Variants in CELF2 observed in about 807,000 individuals in gnomAD.
The protein encoded by CELF2 is CUG triplet repeat RNA-binding protein 2.
Under a neutral mutation model 62.6 loss-of-function variants are expected in CELF2, and 8 were observed. The observed-to-expected ratio is 0.13, with a 90% CI of 0.07 to 0.23. The LOEUF (loss-of-function observed/expected upper bound fraction) is 0.23, where lower values mean the gene tolerates loss of function less well. Ranked by LOEUF, CELF2 falls within the 10% of genes least tolerant of loss-of-function variation. The pLI, the probability that CELF2 is intolerant of heterozygous loss-of-function variation, is 1.00. For synonymous variants in CELF2, 258 were observed against 250.0 expected (o/e 1.03, Z -0.30); for missense variants, 333 against 671.0 (o/e 0.50, Z 5.56).
At chr10:10,637,064 C>T in the CELF2 span, among the ~76,000 whole-genome samples, 2 of 152,096 alleles carry the variant, frequency 1.3e-5, no homozygotes, top group African/African-American at 4.8e-5. Flanking sequence ...TCAGAGAAAT[C>T]TCATGGTTAC....
Position 11,159,429 on chromosome 10 carries a change from T to C in CELF2, c.75-6057T>C, listed in dbSNP as rs1290633787. The stretch of plus-strand genomic sequence containing the variant: ...GAAGCAGTGCATTTTAAAAGGGAGT[T>C]GCAATTCCCAGAGCTCTGGGTTGGA... On this transcript the variant is annotated intron_variant, in intron 1 of 12. Transcript: ENST00000633077. The surrounding 1 kb of genome is among the most constrained non-coding windows in gnomAD (Gnocchi z 5.0). Among the ~76,000 whole-genome samples, 13 of 152,186 alleles carry C rather than the reference T, an allele frequency of 8.5e-5. No homozygotes were observed. Among genetic ancestry groups the C allele is most frequent in the Admixed American group, 7.9e-4 (12 of 15,280 alleles).
At chr10:10,507,184 AT>A in the CELF2 span, among the ~76,000 whole-genome samples, 1 of 152,056 alleles carries the variant, frequency 6.6e-6, no homozygotes, top group African/African-American at 2.4e-5. Context: ...TTCTTTTTTA[AT>A]AAACAGCCAG....
intron 1 of CELF2, among the ~76,000 whole-genome samples, chr10:10,801,438 T>C (rs1261926056): frequency 6.6e-6 from 1 of 152,226 alleles, no homozygotes; most frequent in African/African-American, 2.4e-5. Flanking sequence ...CTGCCTATAA[T>C]ATGTGGAAGA....
At chr10:11,317,762 T>G (rs1050990362) in intron 10 of CELF2, 2 of 152,230 alleles carry the variant, frequency 1.3e-5, no homozygotes, top group African/African-American at 2.4e-5. Flanking sequence ...GGGTCTCTAT[T>G]GTAAGTTGAG....
At chr10:11,118,522 A>C (rs1311581104) in intron 1 of CELF2, among the ~76,000 whole-genome samples, 2 of 152,120 alleles carry the variant, frequency 1.3e-5, no homozygotes, top group Non-Finnish European at 2.9e-5. Flanking sequence ...TTAAAAGATT[A>C]GTATATTCAG....
intron 1 of CELF2, among the ~76,000 whole-genome samples, chr10:11,048,475 G>A (rs746067313): frequency 6.6e-6 from 1 of 152,158 alleles, no homozygotes; most frequent in Non-Finnish European, 1.5e-5. Context: ...ATTCCAGGAT[G>A]GTTATTTGTG....
At chr10:10,808,332 A>G (rs2055457303) in intron 1 of CELF2, among the ~76,000 whole-genome samples, 1 of 152,226 alleles carries the variant, frequency 6.6e-6, no homozygotes, top group African/African-American at 2.4e-5. Context: ...GGAAGGTTAA[A>G]CATTTCTTTT....
rs2082931126 is a variant in CELF2 at position 11,268,925 on chromosome 10, C to T, written c.619-1741C>T. On this transcript the variant is annotated intron_variant, in intron 6 of 12. Coordinates refer to ENST00000633077, the MANE Select transcript of CELF2 (RefSeq NM_001326342.2). This position sits in a 1 kb window ranked among gnomAD's most constrained non-coding sequence, Gnocchi z 4.7. ...TGCCTTCTGTTTCTCCACTTGCCTT[C>T]ACTCTATCCCTGCCCTGTGTTTCAT... Among the ~76,000 whole-genome samples the T allele has an allele frequency of 6.6e-6, 1 of 152,184 alleles. No individual in the cohort carries two copies. The highest frequency in any genetic ancestry group is 1.5e-5 in the Non-Finnish European group (1 of 68,034).
the CELF2 span, among the ~76,000 whole-genome samples, chr10:10,553,344 T>C: frequency 6.6e-6 from 1 of 152,152 alleles, no homozygotes; most frequent in Admixed American, 6.5e-5. Flanking sequence ...AGATGAGATC[T>C]GGGTGGAGAC....
At chr10:10,891,918 G>T (rs1278627528) in intron 1 of CELF2, among the ~76,000 whole-genome samples, 1 of 152,202 alleles carries the variant, frequency 6.6e-6, no homozygotes, top group Non-Finnish European at 1.5e-5. Context: ...TATATACTGA[G>T]TGCTAGAAAA....
chr10:10,900,549 G>A (rs1016032884), intron 1 of CELF2, among the ~76,000 whole-genome samples: 1 of 151,866 alleles, frequency 6.6e-6, no homozygotes. Context: ...GGAATAGAAG[G>A]GAAAGTTCTC....
In CELF2 at chr10:11,300,855, AAC is replaced by A. The variant is rs151183709; in HGVS notation, c.976+12304_976+12305del. On this transcript the variant is annotated intron_variant, in intron 9 of 12. Transcript: ENST00000633077. The surrounding 1 kb of genome is among the most constrained non-coding windows in gnomAD (Gnocchi z 5.5). ...GTGTTTACAATGATTTTATTTCCTA[AAC>A]CACAAAGCCACTGTGTTTTCACTAT... Among the ~76,000 whole-genome samples the A allele has an allele frequency of 0.024, 3,642 of 152,244 alleles. 143 individuals are homozygous for A. The highest frequency in any genetic ancestry group is 0.082 in the African/African-American group (3,415 of 41,512).
chr10:10,491,681 A>G, the CELF2 span, among the ~76,000 whole-genome samples: 2 of 152,204 alleles, frequency 1.3e-5, no homozygotes, highest in African/African-American at 2.4e-5. Context: ...TTTGTGTTGC[A>G]TTCAAACCCA....
At position 11,305,102 on chromosome 10, in the gene CELF2, A is replaced by C. The variant is rs1247624746; in HGVS notation, c.977-9037A>C. On this transcript the variant is annotated intron_variant, in intron 9 of 12. Coordinates refer to ENST00000633077, the MANE Select transcript of CELF2 (RefSeq NM_001326342.2). The surrounding 1 kb of genome is among the most constrained non-coding windows in gnomAD (Gnocchi z 4.8). ...GGCCCAGTGGATACAGGTCCTTCCC[A>C]GTTCTACCAGTCTGATAGTCACCCC... 6.6e-6 allele frequency among the ~76,000 whole-genome samples: 1 copy of C among 152,092 alleles called. No individual in the cohort carries two copies. The highest frequency in any genetic ancestry group is 1.5e-5 in the Non-Finnish European group (1 of 68,000).
chr10:10,814,558 G>A (rs763607404), intron 1 of CELF2, among the ~76,000 whole-genome samples: 8 of 152,250 alleles, frequency 5.3e-5, no homozygotes, highest in South Asian at 2.1e-4. Flanking sequence ...CTTCCAACAC[G>A]TGCCTCTTGG....
intron 11 of CELF2, among the ~76,000 whole-genome samples, chr10:11,325,050 G>C (rs776384157): frequency 3.3e-5 from 5 of 152,174 alleles, no homozygotes; most frequent in Non-Finnish European, 7.3e-5. Flanking sequence ...GAGGAAAAGC[G>C]AGGGCAGCTT....
At chr10:10,465,786 G>T in the CELF2 span, among the ~76,000 whole-genome samples, 1 of 152,042 alleles carries the variant, frequency 6.6e-6, no homozygotes, top group Non-Finnish European at 1.5e-5. Context: ...TGGTTATGGC[G>T]GGCTTGTCCA....
the CELF2 span, among the ~76,000 whole-genome samples, chr10:10,537,440 G>C: frequency 1.3e-5 from 2 of 152,196 alleles, no homozygotes; most frequent in Admixed American, 6.5e-5. Context: ...GCATTTGTTG[G>C]GCCCCAGGGC....
At chr10:10,632,194 T>C in the CELF2 span, among the ~76,000 whole-genome samples, 1 of 152,168 alleles carries the variant, frequency 6.6e-6, no homozygotes, top group Non-Finnish European at 1.5e-5. Flanking sequence ...CATTTCTAGA[T>C]TTAAATCTGA....
Sources: allele counts gnomAD v4.1 joint callset (sites outside exome capture counted in the v4.1 genomes callset), GRCh38; gene constraint gnomAD v4.1.1; non-coding constraint Gnocchi (gnomAD v3.1); transcripts MANE v1.5; gene names NCBI Gene and HGNC (gene_info 2026-07-23, HGNC 2026-07-21).